The following SFSWAP variants were observed in gnomAD, a reference collection of about 807,000 sequenced individuals.
The protein encoded by SFSWAP is splicing factor, suppressor of white-apricot homolog.
SFSWAP carries 17 observed loss-of-function variants against 100.7 expected under a neutral mutation model. That is an observed-to-expected ratio of 0.17 (90% CI 0.12 to 0.25). SFSWAP has a LOEUF of 0.25. Ranked by LOEUF, SFSWAP falls within the 10% of genes least tolerant of loss-of-function variation. The pLI is 1.00. For missense variants in SFSWAP, 1,005 were observed against 1,262.6 expected (o/e 0.80, Z 3.09); for synonymous variants, 504 against 510.1 (o/e 0.99, Z 0.16).
chr12:131,797,434 A>G, intron 16 of SFSWAP, 74 bp downstream of exon 16: 1 of 1,344,192 alleles, frequency 7.4e-7, no homozygotes, highest in Non-Finnish European at 1.0e-6. Flanking sequence ...CTCCTCCCTG[A>G]GTCCTTGCCT....
intron 14 of SFSWAP, chr12:131,785,122 G>C (rs1384351178): frequency 3.3e-6 from 5 of 1,535,546 alleles, no homozygotes; most frequent in Admixed American, 2.0e-5. Flanking sequence ...TCAGAGCAGC[G>C]CGTCAGTGAC....
intron 7 of SFSWAP, among the ~76,000 whole-genome samples, chr12:131,742,898 G>T (rs1279474301): frequency 6.6e-6 from 1 of 152,164 alleles, no homozygotes; most frequent in Admixed American, 6.5e-5. Flanking sequence ...TGGCTGGGGA[G>T]GCCTCACAAT....
intron 14 of SFSWAP, chr12:131,785,976 GAC>G: frequency 6.5e-6 from 1 of 154,090 alleles, no homozygotes; most frequent in Admixed American, 6.4e-5. Flanking sequence ...CAGACAGGTA[GAC>G]ATGACTCGCT....
chr12:131,791,648 A>G (rs1885233244), intron 15 of SFSWAP, among the ~76,000 whole-genome samples: 2 of 152,152 alleles, frequency 1.3e-5, no homozygotes, highest in East Asian at 3.9e-4. Flanking sequence ...GCTACCTGGG[A>G]GGCTGAGGCA....
At position 131,786,542 on chromosome 12, in the gene SFSWAP, C is replaced by T. The variant is rs150809847; in HGVS notation, c.2488C>T (p.Arg830Cys). ...AGAGAGGAGTGTGCCCACTGCCTACCGCGTGAGCCGCAGCCCTGGGGCCAG... is the reference window on the plus strand; with the variant it reads ...AGAGAGGAGTGTGCCCACTGCCTACTGCGTGAGCCGCAGCCCTGGGGCCAG... Reference protein sequence around the residue: ...REERSVPTAYRVSRSPGASRK... With the variant: ...REERSVPTAYCVSRSPGASRK... The change falls in exon 15 of 18, where the codon CGC (arginine) becomes TGC (cysteine). Residue 830 changes from arginine to cysteine, a missense_variant. Coordinates refer to ENST00000261674, the MANE Select transcript of SFSWAP (RefSeq NM_004592.4). The T allele has an allele frequency of 5.7e-6, 9 of 1,586,500 alleles. No homozygotes were observed. The highest frequency in any genetic ancestry group is 4.0e-5 in the African/African-American group (3 of 74,542).
intron 7 of SFSWAP, among the ~76,000 whole-genome samples, chr12:131,738,446 T>A (rs1880251044): frequency 6.6e-6 from 1 of 152,252 alleles, no homozygotes; most frequent in African/African-American, 2.4e-5. Context: ...TATGCACGAA[T>A]ATCAATTAAA....
chr12:131,741,450 A>G (rs1043121580), intron 7 of SFSWAP, among the ~76,000 whole-genome samples: 4 of 152,028 alleles, frequency 2.6e-5, no homozygotes, highest in African/African-American at 9.7e-5. Context: ...AGGCTGGGCA[A>G]CATAGTGAGA....
chr12:131,788,115 T>C (rs1237043465), intron 15 of SFSWAP, among the ~76,000 whole-genome samples: 1 of 152,250 alleles, frequency 6.6e-6, no homozygotes, highest in Non-Finnish European at 1.5e-5. Context: ...TAGAAATTAA[T>C]TCCGTCTCAA....
At chr12:131,765,817 T>C (rs1883072374) in intron 12 of SFSWAP, among the ~76,000 whole-genome samples, 1 of 152,212 alleles carries the variant, frequency 6.6e-6, no homozygotes, top group South Asian at 2.1e-4. Flanking sequence ...AAAACACTTA[T>C]AGAGTATTCA....
intron 7 of SFSWAP, among the ~76,000 whole-genome samples, chr12:131,731,716 A>T (rs756218582): frequency 6.6e-6 from 1 of 152,128 alleles, no homozygotes; most frequent in East Asian, 1.9e-4. Flanking sequence ...CGTTCATTAT[A>T]TGTAGTTTCC....
At chr12:131,768,182 T>C (rs1883278866) in intron 13 of SFSWAP, among the ~76,000 whole-genome samples, 1 of 152,252 alleles carries the variant, frequency 6.6e-6, no homozygotes, top group Non-Finnish European at 1.5e-5. Flanking sequence ...AACACAGCAC[T>C]GCATGCAGAT....
At position 131,794,750 on chromosome 12, in the gene SFSWAP, C is replaced by T. The variant is rs1885510520; in HGVS notation, c.2535-2428C>T. ...GATAAGGCCCAGGTGTCAGGGTGTGCGCACTTGCCAAGCTCAGCGGCAGCA... is the reference window on the plus strand; with the variant it reads ...GATAAGGCCCAGGTGTCAGGGTGTGTGCACTTGCCAAGCTCAGCGGCAGCA... On this transcript the variant is annotated intron_variant, in intron 15 of 17. Coordinates refer to ENST00000261674, the MANE Select transcript of SFSWAP (RefSeq NM_004592.4). The surrounding 1 kb of genome is among the most constrained non-coding windows in gnomAD (Gnocchi z 4.8). Among the ~76,000 whole-genome samples, 1 of 152,154 alleles carries T rather than the reference C, an allele frequency of 6.6e-6. No homozygotes were observed. Among genetic ancestry groups the T allele is most frequent in the African/African-American group, 2.4e-5 (1 of 41,430 alleles).
intron 4 of SFSWAP, among the ~76,000 whole-genome samples, chr12:131,720,657 G>A (rs572701208): frequency 1.3e-5 from 2 of 152,252 alleles, no homozygotes; most frequent in African/African-American, 2.4e-5. Context: ...CTCCCACTGC[G>A]ATCACTCGCT....
At chr12:131,754,593 T>C (rs370942854) in intron 9 of SFSWAP, 94 bp downstream of exon 9, 1 of 949,850 alleles carries the variant, frequency 1.1e-6, no homozygotes, top group Admixed American at 3.4e-5. Flanking sequence ...TTAATTTTTT[T>C]ATATATTTTT....
chr12:131,748,842 G>C (rs1023056590), intron 7 of SFSWAP, among the ~76,000 whole-genome samples: 1 of 152,108 alleles, frequency 6.6e-6, no homozygotes, highest in Admixed American at 6.5e-5. Context: ...TTTCTTTCTT[G>C]GATTTATTTG....
At chr12:131,758,330 C>T (rs1195180036) in intron 11 of SFSWAP, among the ~76,000 whole-genome samples, 3 of 152,120 alleles carry the variant, frequency 2.0e-5, no homozygotes, top group Non-Finnish European at 4.4e-5. Flanking sequence ...AACAACACAC[C>T]GAGAAGTTTA....
At chr12:131,758,798 G>A (rs1462556126) in intron 11 of SFSWAP, among the ~76,000 whole-genome samples, 4 of 152,184 alleles carry the variant, frequency 2.6e-5, no homozygotes, top group Admixed American at 2.6e-4. Flanking sequence ...ATACAAAAAT[G>A]TAGCCGGGCA....
intron 7 of SFSWAP, among the ~76,000 whole-genome samples, chr12:131,740,966 C>CTTTTTTTTTTTTTTTTTTTTTTTTTTTTG (rs60047663): frequency 1.4e-5 from 1 of 70,136 alleles, no homozygotes; most frequent in Non-Finnish European, 2.5e-5. Flanking sequence ...TCTTTTTTTT[C>CTTTTTTTTTTTTTTTTTTTTTTTTTTTTG]TTTTTTTTTT....
intron 13 of SFSWAP, among the ~76,000 whole-genome samples, chr12:131,768,517 G>A (rs7350574): frequency 0.93 from 141,014 of 152,214 alleles, 66,180 homozygotes; most frequent in East Asian, 1. Flanking sequence ...ATAACTGACG[G>A]GCAAGGAGGG....
Sources: allele counts gnomAD v4.1 joint callset (sites outside exome capture counted in the v4.1 genomes callset), GRCh38; gene constraint gnomAD v4.1.1; non-coding constraint Gnocchi (gnomAD v3.1); transcripts MANE v1.5; gene names NCBI Gene and HGNC (gene_info 2026-07-23, HGNC 2026-07-21).